Variants in MCU observed in about 807,000 individuals in gnomAD.
The protein encoded by MCU is calcium uniporter protein, mitochondrial.
In MCU, 12 loss-of-function variants were observed where a neutral mutation model predicts 45.2. The observed-to-expected ratio is 0.27, with a 90% CI of 0.17 to 0.43. MCU has a LOEUF of 0.43. Ranked by LOEUF, MCU falls within the 20% of genes least tolerant of loss-of-function variation. The pLI, the probability that MCU is intolerant of heterozygous loss-of-function variation, is 1.00. For synonymous variants in MCU, 160 were observed against 165.1 expected (o/e 0.97, Z 0.24); for missense variants, 324 against 436.7 (o/e 0.74, Z 2.30).
chr10:72,692,407 C>T (rs1157780627), intron 1 of MCU, 106 bp downstream of exon 1: 8 of 916,338 alleles, frequency 8.7e-6, no homozygotes, highest in East Asian at 1.1e-4. Flanking sequence ...CCTCAACTCC[C>T]GGCCGCTCCG....
At chr10:72,784,847 TC>T (rs1374381535) in intron 1 of MCU, among the ~76,000 whole-genome samples, 1 of 152,124 alleles carries the variant, frequency 6.6e-6, no homozygotes, top group Non-Finnish European at 1.5e-5. Context: ...TTTGGGAAAT[TC>T]CTAAATGCTG....
intron 4 of MCU, among the ~76,000 whole-genome samples, chr10:72,864,310 C>T (rs2132875467): frequency 6.6e-6 from 1 of 152,260 alleles, no homozygotes; most frequent in East Asian, 1.9e-4. Flanking sequence ...CCATGGGACC[C>T]ATACGAAGTG....
At position 72,798,948 on chromosome 10, in the gene MCU, T is replaced by G. The variant is rs373792480; in HGVS notation, c.151-35411T>G. The stretch of plus-strand genomic sequence containing the variant: ...GATCAACTTGATTCTTTTATTTTTA[T>G]TTTTTATTTTTTCGAGACGGAGTCT... On this transcript the variant is annotated intron_variant, in intron 1 of 7. Transcript: ENST00000373053. Among the ~76,000 whole-genome samples, 3 of 152,316 alleles carry G rather than the reference T, an allele frequency of 2.0e-5. No homozygotes were observed. In the East Asian group the frequency reaches 5.8e-4, roughly 29 times the overall value.
intron 1 of MCU, among the ~76,000 whole-genome samples, chr10:72,824,433 T>C (rs1844764464): frequency 1.3e-5 from 2 of 150,960 alleles, no homozygotes; most frequent in African/African-American, 4.9e-5. Context: ...GGTCTTGAAC[T>C]CCTGACCTCA....
intron 1 of MCU, chr10:72,731,229 C>T (rs1290686929): frequency 6.6e-6 from 1 of 152,088 alleles, no homozygotes; most frequent in Non-Finnish European, 1.5e-5. Context: ...CACCTGGCTG[C>T]CTTATTCTTT....
intron 4 of MCU, among the ~76,000 whole-genome samples, chr10:72,865,284 A>G (rs1208141703): frequency 3.3e-5 from 5 of 152,218 alleles, no homozygotes; most frequent in Non-Finnish European, 7.3e-5. Flanking sequence ...TTGCTTCTCT[A>G]GAAGTAAATT....
intron 1 of MCU, chr10:72,692,838 C>G (rs1000573219): frequency 7.0e-7 from 1 of 1,426,034 alleles, no homozygotes; most frequent in Admixed American, 2.8e-5. Context: ...CCCGAGGGGT[C>G]GGGCAGGAAG....
intron 1 of MCU, among the ~76,000 whole-genome samples, chr10:72,711,035 T>C (rs1308805371): frequency 6.6e-6 from 1 of 151,720 alleles, no homozygotes; most frequent in Non-Finnish European, 1.5e-5. Context: ...AAAAATTAGC[T>C]GGGCATGGTG....
At chr10:72,772,239 T>C (rs1439378276) in intron 1 of MCU, among the ~76,000 whole-genome samples, 1 of 152,236 alleles carries the variant, frequency 6.6e-6, no homozygotes, top group Non-Finnish European at 1.5e-5. Flanking sequence ...GTATGTTCCA[T>C]AAGTCCCATG....
chr10:72,802,969 T>C (rs1262022084), intron 1 of MCU, among the ~76,000 whole-genome samples: 5 of 152,310 alleles, frequency 3.3e-5, no homozygotes, highest in Admixed American at 1.3e-4. Flanking sequence ...CCAAAAGAAT[T>C]GTATCTTATT....
At chr10:72,748,459 A>T (rs1415023563) in intron 1 of MCU, among the ~76,000 whole-genome samples, 1 of 152,176 alleles carries the variant, frequency 6.6e-6, no homozygotes, top group Non-Finnish European at 1.5e-5. Context: ...CATCAGATCG[A>T]TTAACAAGGA....
At chr10:72,816,078 C>T (rs987077916) in intron 1 of MCU, among the ~76,000 whole-genome samples, 4 of 151,870 alleles carry the variant, frequency 2.6e-5, no homozygotes, top group South Asian at 2.1e-4. Flanking sequence ...TGGTGAGGCA[C>T]GAGAATCACT....
intron 1 of MCU, among the ~76,000 whole-genome samples, chr10:72,743,363 A>G (rs1212520357): frequency 7.4e-6 from 1 of 134,422 alleles, no homozygotes; most frequent in East Asian, 2.5e-4. Flanking sequence ...CAGTGAGCCG[A>G]TATTGTGCCA....
At chr10:72,813,648 A>G (rs1420870279) in intron 1 of MCU, among the ~76,000 whole-genome samples, 2 of 151,662 alleles carry the variant, frequency 1.3e-5, no homozygotes, top group African/African-American at 4.8e-5. Flanking sequence ...TAGTAGAGAC[A>G]GGGTTTCACT....
intron 1 of MCU, among the ~76,000 whole-genome samples, chr10:72,759,153 G>T (rs1843619215): frequency 6.6e-6 from 1 of 152,102 alleles, no homozygotes; most frequent in Non-Finnish European, 1.5e-5. Context: ...GGTTTATTCG[G>T]CCAGGGTTAT....
intron 1 of MCU, among the ~76,000 whole-genome samples, chr10:72,694,413 T>C (rs1189778116): frequency 6.6e-6 from 1 of 152,258 alleles, no homozygotes; most frequent in Admixed American, 6.5e-5. Flanking sequence ...CCTCTTATTG[T>C]GTTCTTTTCA....
intron 1 of MCU, among the ~76,000 whole-genome samples, chr10:72,709,954 A>G (rs1842869125): frequency 6.6e-6 from 1 of 152,190 alleles, no homozygotes; most frequent in South Asian, 2.1e-4. Context: ...AGTTGGGTGA[A>G]CTTTAAATAC....
intron 2 of MCU, among the ~76,000 whole-genome samples, chr10:72,838,014 G>T (rs1050314760): frequency 1.3e-5 from 2 of 150,294 alleles, no homozygotes; most frequent in Non-Finnish European, 2.9e-5. Context: ...TCACTACCAC[G>T]CCTGGCTAAT....
At position 72,852,166 on chromosome 10, in the gene MCU, A is replaced by G. The variant is rs1184994483; in HGVS notation, c.221-7011A>G. Reference sequence around the variant, plus strand: ...ACTTCGTCATCATTACTGCCTATAGAAAAGATAGAAATATTCTCATGTTAG... The same window carrying G: ...ACTTCGTCATCATTACTGCCTATAGGAAAGATAGAAATATTCTCATGTTAG... On this transcript the variant is annotated intron_variant, in intron 2 of 7. Transcript: ENST00000373053. Among the ~76,000 whole-genome samples the G allele has an allele frequency of 5.9e-5, 9 of 152,250 alleles. No individual in the cohort carries two copies. The South Asian group carries it at 8.3e-4, about 14-fold the overall frequency.
Sources: gnomAD v4.1 joint callset for allele counts (sites outside exome capture counted in the v4.1 genomes callset) on GRCh38, gnomAD v4.1.1 for gene constraint, MANE v1.5 for transcripts, NCBI Gene and HGNC (gene_info 2026-07-23, HGNC 2026-07-21) for gene names.